Variants in CCDC91 observed in about 807,000 individuals in gnomAD.
The protein encoded by CCDC91 is coiled-coil domain-containing protein 91.
A neutral mutation model predicts 63.2 loss-of-function variants in CCDC91; 48 were observed. The observed-to-expected ratio is 0.76, with a 90% confidence interval of 0.60 to 0.97. The LOEUF is 0.97. Among genes scored for constraint, CCDC91 ranks in the 50% least tolerant of loss-of-function variants. The pLI is 0.00. For missense variants in CCDC91, 500 were observed against 494.6 expected, an observed-to-expected ratio of 1.01 and a Z score of -0.10; for synonymous variants, 167 against 165.8, an observed-to-expected ratio of 1.01 and a Z score of -0.06.
intron 3 of CCDC91, among the ~76,000 whole-genome samples, chr12:28,264,618 T>TGTGTGTGTGTG (rs1947067255): frequency 8.6e-5 from 13 of 150,900 alleles, no homozygotes; most frequent in Middle Eastern, 3.4e-3. Flanking sequence ...TGTGTGTGTG[T>TGTGTGTGTGTG]GTATTCTGAT....
At chr12:28,519,455 T>C (rs1040923105) in intron 12 of CCDC91, among the ~76,000 whole-genome samples, 3 of 151,996 alleles carry the variant, frequency 2.0e-5, no homozygotes, top group African/African-American at 4.8e-5. Flanking sequence ...CTAGAAGCTG[T>C]CTGGAGGAGT....
At chr12:28,308,284 A>G (rs1366564026) in intron 6 of CCDC91, among the ~76,000 whole-genome samples, 2 of 152,018 alleles carry the variant, frequency 1.3e-5, no homozygotes, top group African/African-American at 4.8e-5. Context: ...CAGAATATCC[A>G]GGTTTCAACC....
chr12:28,306,734 T>G lies in CCDC91; in HGVS notation c.268-8T>G. On this transcript the variant is annotated splice_region_variant and splice_polypyrimidine_tract_variant and intron_variant, in intron 4 of 12. Transcript: ENST00000536442. ...TCTCTTGTGTATTTTTTTTTTTATG[T>G]GGTTTAGATTCAGCAATCAACACAC... is the stretch of plus-strand genomic sequence containing the variant. The G allele has an allele frequency of 6.4e-7, 1 of 1,571,738 alleles. No individual in the cohort carries two copies. Among genetic ancestry groups the G allele is most frequent in the Admixed American group, 1.9e-5 (1 of 53,036 alleles).
chr12:28,204,074 C>T (rs1182899584), intron 1 of CCDC91, among the ~76,000 whole-genome samples: 1 of 151,968 alleles, frequency 6.6e-6, no homozygotes, highest in Non-Finnish European at 1.5e-5. Context: ...ATGATCTCTC[C>T]CTCTGTCCCT....
chr12:28,215,015 G>A (rs1440836029), intron 1 of CCDC91, among the ~76,000 whole-genome samples: 3 of 152,186 alleles, frequency 2.0e-5, no homozygotes, highest in Non-Finnish European at 4.4e-5. Flanking sequence ...GGTAGACTGA[G>A]TAAAGCATAT....
chr12:28,351,379 T>C (rs1284616159), intron 6 of CCDC91, among the ~76,000 whole-genome samples: 1 of 152,224 alleles, frequency 6.6e-6, no homozygotes, highest in African/African-American at 2.4e-5. Flanking sequence ...GGAAAATTCA[T>C]TAGGTTTCAA....
At chr12:28,195,273 T>G (rs1465479011) in intron 1 of CCDC91, among the ~76,000 whole-genome samples, 1 of 152,136 alleles carries the variant, frequency 6.6e-6, no homozygotes, top group Non-Finnish European at 1.5e-5. Flanking sequence ...CACAGAAAAG[T>G]TCTCCAAGTC....
At chr12:28,417,248 T>G (rs1325381071) in intron 8 of CCDC91, among the ~76,000 whole-genome samples, 1 of 152,126 alleles carries the variant, frequency 6.6e-6, no homozygotes, top group East Asian at 1.9e-4. Context: ...CATTTATTTT[T>G]TCATTTAAAA....
chr12:28,464,299 C>A (rs1184413090), intron 11 of CCDC91, among the ~76,000 whole-genome samples: 2 of 152,148 alleles, frequency 1.3e-5, no homozygotes, highest in African/African-American at 4.8e-5. Flanking sequence ...AGTCTTAGCA[C>A]AGAACCAGGC....
intron 1 of CCDC91, among the ~76,000 whole-genome samples, chr12:28,249,959 G>A (rs772410940): frequency 3.3e-5 from 5 of 152,072 alleles, no homozygotes; most frequent in Non-Finnish European, 2.9e-5. Context: ...TTTTGGTTGG[G>A]AATGTATGAC....
At chr12:28,372,248 G>T (rs1944665914) in intron 7 of CCDC91, among the ~76,000 whole-genome samples, 1 of 152,110 alleles carries the variant, frequency 6.6e-6, no homozygotes, top group African/African-American at 2.4e-5. Flanking sequence ...CAGCTTTGTA[G>T]TATAATTTGA....
intron 11 of CCDC91, among the ~76,000 whole-genome samples, chr12:28,454,035 C>T (rs1949943539): frequency 6.6e-6 from 1 of 152,118 alleles, no homozygotes; most frequent in African/African-American, 2.4e-5. Context: ...AATTTGTCTT[C>T]TATAGGTTCA....
Position 28,549,187 on chromosome 12 carries a change from A to G in CCDC91, c.*14A>G. 7.3e-7 allele frequency: 1 copy of G among 1,367,756 alleles called. No homozygotes were observed. Among genetic ancestry groups the G allele is most frequent in the African/African-American group, 1.4e-5 (1 of 69,978 alleles). The allele number at this position is 1,367,756 out of a possible 1,614,324, so 84.7% of individuals were successfully genotyped here. A position where few individuals can be genotyped will look rare whatever the true frequency, so the allele number is the denominator to read the frequency against. ...GACATTGAATAAAAAGAACATGACA[A>G]ACCCACACTGGCATTGGATAAATCA... On this transcript the variant is annotated 3_prime_UTR_variant, in exon 13 of 13. Transcript: ENST00000536442.
chr12:28,280,870 T>C (rs1592191381), intron 3 of CCDC91, among the ~76,000 whole-genome samples: 2 of 151,908 alleles, frequency 1.3e-5, no homozygotes, highest in East Asian at 3.9e-4. Flanking sequence ...CCAGCTACTT[T>C]TAAGTCTGAG....
intron 8 of CCDC91, among the ~76,000 whole-genome samples, chr12:28,442,941 G>A (rs572349258): frequency 1.1e-4 from 16 of 151,976 alleles, no homozygotes; most frequent in Non-Finnish European, 2.4e-4. Context: ...AAGAAGAAAG[G>A]CCTGTATAAA....
chr12:28,520,200 T>A (rs895186204), intron 12 of CCDC91, among the ~76,000 whole-genome samples: 2 of 152,010 alleles, frequency 1.3e-5, no homozygotes, highest in African/African-American at 2.4e-5. Flanking sequence ...GTGTAAAAGT[T>A]TTCCTGTTTC....
chr12:28,251,459 GGTTA>G (rs1030715567), intron 1 of CCDC91, among the ~76,000 whole-genome samples: 1 of 151,942 alleles, frequency 6.6e-6, no homozygotes, highest in African/African-American at 2.4e-5. Flanking sequence ...TGTCTTTTAT[GGTTA>G]GTTTTGTAAA....
rs937053929 is a variant in CCDC91, at chr12:28,544,967, G to A, written c.1216-4096G>A. On this transcript the variant is annotated intron_variant, in intron 12 of 12. Coordinates refer to ENST00000536442, the MANE Select transcript of CCDC91 (RefSeq NM_018318.5). ...TTAGTAAGTAGTATGCTTCTAAAAGGCTTTCAGCAGTTATACCAGCAAACT... is the reference window on the plus strand; with the variant it reads ...TTAGTAAGTAGTATGCTTCTAAAAGACTTTCAGCAGTTATACCAGCAAACT... Among the ~76,000 whole-genome samples, 12 of 151,932 alleles carry A rather than the reference G, an allele frequency of 7.9e-5. No homozygotes were observed. The East Asian group carries it at 2.3e-3, about 29-fold the overall frequency.
chr12:28,303,423 A>G (rs1389194631), intron 3 of CCDC91, among the ~76,000 whole-genome samples: 6 of 151,734 alleles, frequency 4.0e-5, no homozygotes, highest in African/African-American at 1.2e-4. Context: ...TTTTCTACCT[A>G]CTTTCCCTCC....
Sources: gnomAD v4.1 joint callset for allele counts (sites outside exome capture counted in the v4.1 genomes callset) on GRCh38, gnomAD v4.1.1 for gene constraint, MANE v1.5 for transcripts, NCBI Gene and HGNC (gene_info 2026-07-23, HGNC 2026-07-21) for gene names.